ATRNL1: variants seen among roughly 807,000 people sequenced by gnomAD.
ATRNL1 encodes the protein attractin like 1, also known as attractin-like protein 1.
In ATRNL1, 95 loss-of-function variants were observed where a neutral mutation model predicts 182.7. That is an observed-to-expected ratio of 0.52 (90% confidence interval 0.44 to 0.62). ATRNL1 has a LOEUF of 0.62. Ranked by LOEUF, ATRNL1 falls within the 20% of genes least tolerant of loss-of-function variation. The pLI is 0.00. For missense variants in ATRNL1, 1,471 were observed against 1,679.5 expected (o/e 0.88, Z 2.17); for synonymous variants, 576 against 568.3 (o/e 1.01, Z -0.19).
chr10:115,935,992 C>G (rs1388994828), intron 28 of ATRNL1, among the ~76,000 whole-genome samples: 2 of 152,196 alleles, frequency 1.3e-5, no homozygotes, highest in African/African-American at 4.8e-5. Flanking sequence ...ACAGAATCCC[C>G]TCACTGATGA....
At chr10:115,391,075 A>T (rs1843992514) in intron 19 of ATRNL1, among the ~76,000 whole-genome samples, 1 of 152,162 alleles carries the variant, frequency 6.6e-6, no homozygotes, top group Non-Finnish European at 1.5e-5. Context: ...TGTAGACAAG[A>T]TCATGTCATC....
At chr10:115,863,784 A>C (rs781874422) in intron 28 of ATRNL1, among the ~76,000 whole-genome samples, 3 of 152,230 alleles carry the variant, frequency 2.0e-5, no homozygotes, top group Non-Finnish European at 2.9e-5. Context: ...CAATAAAATG[A>C]ACAAGGACTT....
At chr10:115,229,983 T>C (rs1592291767) in intron 9 of ATRNL1, among the ~76,000 whole-genome samples, 1 of 152,162 alleles carries the variant, frequency 6.6e-6, no homozygotes, top group East Asian at 1.9e-4. Flanking sequence ...CCTTTATGAT[T>C]GTATCCCTTA....
chr10:115,928,177 T>G (rs1555120734), intron 28 of ATRNL1, among the ~76,000 whole-genome samples: 1 of 152,092 alleles, frequency 6.6e-6, no homozygotes, highest in Non-Finnish European at 1.5e-5. Context: ...GTATCTTACA[T>G]CTATCTTTGT....
In ATRNL1 at chr10:115,674,662, G is replaced by T. The variant is rs1555042430; in HGVS notation, c.3796-52586G>T. ...GCCCATTTATAGACTTTCTTCAAAA[G>T]AGATCTTCTTGGAAAATTCAAATTA... On this transcript the variant is annotated intron_variant, in intron 26 of 28. Coordinates refer to ENST00000355044, the MANE Select transcript of ATRNL1 (RefSeq NM_207303.4). Among the ~76,000 whole-genome samples the T allele has an allele frequency of 2.0e-5, 3 of 152,146 alleles. No individual in the cohort carries two copies. In the East Asian group the frequency reaches 5.8e-4, roughly 29 times the overall value.
chr10:115,180,521 A>G (rs1347176290), intron 8 of ATRNL1, among the ~76,000 whole-genome samples: 2 of 152,074 alleles, frequency 1.3e-5, no homozygotes, highest in South Asian at 2.1e-4. Context: ...ATTTACCCAC[A>G]GTAGCCATTT....
intron 21 of ATRNL1, among the ~76,000 whole-genome samples, chr10:115,427,039 A>G (rs554380067): frequency 1.3e-5 from 2 of 152,246 alleles, no homozygotes; most frequent in African/African-American, 4.8e-5. Context: ...TAACTTTTAA[A>G]GAAACAGCCA....
intron 24 of ATRNL1, among the ~76,000 whole-genome samples, chr10:115,511,995 AATT>A (rs1554982755): frequency 1.3e-5 from 2 of 151,854 alleles, no homozygotes; most frequent in Non-Finnish European, 2.9e-5. Flanking sequence ...TAATGAATAA[AATT>A]ATTACCGAAG....
At chr10:115,098,313 G>A (rs982896113) in intron 1 of ATRNL1, among the ~76,000 whole-genome samples, 6 of 151,840 alleles carry the variant, frequency 4.0e-5, no homozygotes, top group Non-Finnish European at 7.4e-5. Flanking sequence ...GCCCTGACTG[G>A]CCTTTTGAAG....
chr10:115,778,004 GA>G (rs138751642), intron 27 of ATRNL1, among the ~76,000 whole-genome samples: 6,814 of 152,168 alleles, frequency 0.045, 434 homozygotes, highest in African/African-American at 0.14. Flanking sequence ...GGTTTTGGTA[GA>G]AGACAAAACA....
At chr10:115,743,307 C>T (rs1275199082) in intron 27 of ATRNL1, among the ~76,000 whole-genome samples, 1 of 150,754 alleles carries the variant, frequency 6.6e-6, no homozygotes, top group South Asian at 2.1e-4. Context: ...CTGATACTAC[C>T]ATTCCTATCC....
chr10:115,309,702 T>A (rs1418482747), intron 17 of ATRNL1, among the ~76,000 whole-genome samples: 2 of 152,088 alleles, frequency 1.3e-5, no homozygotes, highest in African/African-American at 4.8e-5. Context: ...AGGTATACAA[T>A]CATATCAAAG....
intron 18 of ATRNL1, 66 bp from the exon 19 acceptor site, chr10:115,334,216 G>A (rs774462651): frequency 1.9e-6 from 2 of 1,063,626 alleles, no homozygotes; most frequent in Non-Finnish European, 2.6e-6. Context: ...TACATTCTTT[G>A]TTTTGATAGC....
intron 19 of ATRNL1, among the ~76,000 whole-genome samples, chr10:115,345,005 C>A (rs531267312): frequency 2.8e-4 from 42 of 152,334 alleles, no homozygotes; most frequent in African/African-American, 1.0e-3. Flanking sequence ...TTTTCCCACA[C>A]CTCTTCTCAG....
At chr10:115,650,360 A>G (rs932522445) in intron 26 of ATRNL1, among the ~76,000 whole-genome samples, 4 of 119,380 alleles carry the variant, frequency 3.4e-5, no homozygotes, top group Admixed American at 9.7e-5. Context: ...GGCATTGTTT[A>G]TCTTATATTG....
At chr10:115,203,907 C>G (rs1293918053) in intron 8 of ATRNL1, among the ~76,000 whole-genome samples, 1 of 151,342 alleles carries the variant, frequency 6.6e-6, no homozygotes, top group Non-Finnish European at 1.5e-5. Context: ...TAGATTGGGT[C>G]AACTTTAAAA....
intron 10 of ATRNL1, among the ~76,000 whole-genome samples, chr10:115,262,782 T>C (rs1851445047): frequency 6.6e-6 from 1 of 151,912 alleles, no homozygotes; most frequent in African/African-American, 2.4e-5. Flanking sequence ...CATGTGAAAA[T>C]AAGTTGACTC....
intron 20 of ATRNL1, among the ~76,000 whole-genome samples, chr10:115,400,660 T>A (rs546030686): frequency 6.6e-6 from 1 of 152,168 alleles, no homozygotes; most frequent in Non-Finnish European, 1.5e-5. Flanking sequence ...GATAGTTAGA[T>A]TTTCTTACTG....
intron 26 of ATRNL1, among the ~76,000 whole-genome samples, chr10:115,587,614 G>T (rs182383736): frequency 9.8e-5 from 12 of 122,930 alleles, no homozygotes. Flanking sequence ...CGCCCGCTTC[G>T]GCTCGCGCAT....
Sources: allele counts gnomAD v4.1 joint callset (sites outside exome capture counted in the v4.1 genomes callset), GRCh38; gene constraint gnomAD v4.1.1; transcripts MANE v1.5; gene names NCBI Gene and HGNC (gene_info 2026-07-23, HGNC 2026-07-21).